Variants in UNC13C observed in about 807,000 individuals in gnomAD.
UNC13C encodes unc-13 homolog C.
UNC13C carries 174 observed loss-of-function variants against 245.4 expected under a neutral mutation model. The ratio of observed to expected loss-of-function variants is 0.71; its 90% confidence interval spans 0.63 to 0.80. The LOEUF (loss-of-function observed/expected upper bound fraction) is 0.80, where lower values mean the gene tolerates loss of function less well. UNC13C is among the 30% of genes least tolerant of loss of function. The pLI, the probability that UNC13C is intolerant of heterozygous loss-of-function variation, is 0.00. For missense variants in UNC13C, 2,829 were observed against 2,602.9 expected (o/e 1.09, Z -1.89); for synonymous variants, 992 against 895.1 (o/e 1.11, Z -1.93).
chr15:54,181,505 C>T (rs2033798033), intron 4 of UNC13C, among the ~76,000 whole-genome samples: 1 of 151,368 alleles, frequency 6.6e-6, no homozygotes, highest in African/African-American at 2.4e-5. Context: ...GTTTTTTCTT[C>T]TTAGGCTTGC....
chr15:54,184,488 A>G (rs995012723), intron 4 of UNC13C, among the ~76,000 whole-genome samples: 2 of 152,028 alleles, frequency 1.3e-5, no homozygotes, highest in Middle Eastern at 3.2e-3. Context: ...TCTTCGATCA[A>G]TTCCCACCTA....
At chr15:53,924,825 A>G in the UNC13C span, among the ~76,000 whole-genome samples, 6 of 152,220 alleles carry the variant, frequency 3.9e-5, no homozygotes, top group African/African-American at 1.4e-4. Context: ...TCACAATCAA[A>G]ATTTACTTTT....
intron 4 of UNC13C, among the ~76,000 whole-genome samples, chr15:54,224,159 C>A (rs548977721): frequency 6.6e-6 from 1 of 152,192 alleles, no homozygotes; most frequent in East Asian, 1.9e-4. Flanking sequence ...GCTAGGACTT[C>A]CAGTACTACG....
chr15:54,053,585 G>T (rs935958470), intron 2 of UNC13C, among the ~76,000 whole-genome samples: 1 of 152,080 alleles, frequency 6.6e-6, no homozygotes, highest in Non-Finnish European at 1.5e-5. Context: ...AATTGCATCA[G>T]GGTGAATGGG....
At chr15:53,963,131 G>A in the UNC13C span, among the ~76,000 whole-genome samples, 1 of 152,146 alleles carries the variant, frequency 6.6e-6, no homozygotes, top group Non-Finnish European at 1.5e-5. Flanking sequence ...AGACACGCCA[G>A]CAGAGGGCGA....
At chr15:53,901,529 A>G in the UNC13C span, among the ~76,000 whole-genome samples, 1 of 152,026 alleles carries the variant, frequency 6.6e-6, no homozygotes, top group Non-Finnish European at 1.5e-5. Context: ...ACCAGCTGAT[A>G]GATCTCTATT....
At chr15:54,443,971 T>C (rs1444648471) in intron 19 of UNC13C, among the ~76,000 whole-genome samples, 4 of 151,144 alleles carry the variant, frequency 2.6e-5, no homozygotes, top group Admixed American at 1.3e-4. Flanking sequence ...ATTTTCTGTC[T>C]AGATGATCTG....
intron 26 of UNC13C, among the ~76,000 whole-genome samples, chr15:54,544,882 T>C (rs1446469830): frequency 6.6e-6 from 1 of 152,116 alleles, no homozygotes; most frequent in Non-Finnish European, 1.5e-5. Flanking sequence ...CCAAAGTAAT[T>C]TATCAATTCA....
At chr15:54,027,845 A>G (rs1896182746) in intron 2 of UNC13C, among the ~76,000 whole-genome samples, 1 of 142,306 alleles carries the variant, frequency 7.0e-6, no homozygotes, top group African/African-American at 2.6e-5. Context: ...GTGTCTCCTT[A>G]CTAGTAGGTA....
chr15:54,202,310 A>C (rs544836837), intron 4 of UNC13C, among the ~76,000 whole-genome samples: 9 of 152,116 alleles, frequency 5.9e-5, no homozygotes, highest in East Asian at 1.9e-4. Flanking sequence ...ACATAACTAG[A>C]AAAAACCATT....
chr15:53,976,475 C>CTTTT (rs879775519), upstream of UNC13C, among the ~76,000 whole-genome samples: 195 of 63,688 alleles, frequency 3.1e-3, 11 homozygotes, highest in South Asian at 0.028. Context: ...CTCTCTCTCT[C>CTTTT]TCTTTTTTTT....
intron 20 of UNC13C, 122 bp downstream of exon 20, chr15:54,494,856 A>T (rs1893880550): frequency 1.7e-6 from 2 of 1,201,908 alleles, no homozygotes; most frequent in African/African-American, 3.1e-5. Context: ...AGAAATTTCC[A>T]TTATGAAGTT....
At chr15:54,573,235 C>G (rs1648324090) in intron 30 of UNC13C, among the ~76,000 whole-genome samples, 1 of 152,092 alleles carries the variant, frequency 6.6e-6, no homozygotes, top group East Asian at 1.9e-4. Flanking sequence ...TATTTTTGTA[C>G]TCCTTTCCTC....
intron 2 of UNC13C, among the ~76,000 whole-genome samples, chr15:54,078,935 T>C (rs1898783759): frequency 6.6e-6 from 1 of 152,200 alleles, no homozygotes; most frequent in African/African-American, 2.4e-5. Flanking sequence ...AGAATTTTTA[T>C]AGTTTCAGGT....
chr15:53,945,584 T>A, the UNC13C span, among the ~76,000 whole-genome samples: 2 of 151,900 alleles, frequency 1.3e-5, no homozygotes, highest in African/African-American at 2.4e-5. Context: ...GGACTATCTC[T>A]TCTGTTCAGT....
At chr15:54,360,450 T>G (rs2039204868) in intron 17 of UNC13C, among the ~76,000 whole-genome samples, 1 of 152,126 alleles carries the variant, frequency 6.6e-6, no homozygotes, top group Non-Finnish European at 1.5e-5. Flanking sequence ...TTAAGTCTAT[T>G]AATATAGTAT....
At chr15:54,158,218 C>G (rs1004115818) in intron 4 of UNC13C, among the ~76,000 whole-genome samples, 26 of 152,212 alleles carry the variant, frequency 1.7e-4, no homozygotes, top group African/African-American at 5.8e-4. Context: ...AATAAGTAGA[C>G]CTCATCAGAG....
At chr15:54,199,356 AT>A (rs1184726270) in intron 4 of UNC13C, among the ~76,000 whole-genome samples, 7 of 152,250 alleles carry the variant, frequency 4.6e-5, no homozygotes, top group Middle Eastern at 3.4e-3. Flanking sequence ...TGGGAAATTC[AT>A]TGTAAAATGA....
intron 19 of UNC13C, among the ~76,000 whole-genome samples, chr15:54,425,724 T>C (rs566355826): frequency 6.6e-6 from 1 of 151,988 alleles, no homozygotes; most frequent in East Asian, 1.9e-4. Context: ...CCAGCTATTT[T>C]TTCCTCTGTT....
Sources: allele counts gnomAD v4.1 joint callset (sites outside exome capture counted in the v4.1 genomes callset), GRCh38; gene constraint gnomAD v4.1.1; transcripts MANE v1.5; gene names NCBI Gene and HGNC (gene_info 2026-07-23, HGNC 2026-07-21).